Variants in OSBPL8 observed in about 807,000 individuals in gnomAD.
OSBPL8 encodes oxysterol binding protein like 8.
OSBPL8 carries 59 observed loss-of-function variants against 125.5 expected under a neutral mutation model. That is an observed-to-expected ratio of 0.47 (90% confidence interval 0.38 to 0.58). The LOEUF is 0.58. Ranked by LOEUF, OSBPL8 falls within the 20% of genes least tolerant of loss-of-function variation. OSBPL8 has a pLI of 0.00. For synonymous variants in OSBPL8, 330 were observed against 338.9 expected (o/e 0.97, Z 0.29); for missense variants, 758 against 1,047.8 (o/e 0.72, Z 3.82).
At chr12:76,377,149 C>T (rs1952852082) in intron 16 of OSBPL8, among the ~76,000 whole-genome samples, 1 of 152,132 alleles carries the variant, frequency 6.6e-6, no homozygotes, top group Non-Finnish European at 1.5e-5. Context: ...TGTGTATGTG[C>T]CACATTTTCT....
chr12:76,544,078 C>A (rs1950716971), intron 1 of OSBPL8, among the ~76,000 whole-genome samples: 2 of 152,142 alleles, frequency 1.3e-5, no homozygotes, highest in Non-Finnish European at 2.9e-5. Flanking sequence ...TTTAATACAG[C>A]AGAATTAACA....
intron 2 of OSBPL8, among the ~76,000 whole-genome samples, chr12:76,465,286 T>G (rs1050518250): frequency 6.6e-6 from 1 of 152,164 alleles, no homozygotes; most frequent in Non-Finnish European, 1.5e-5. Context: ...TCTGGCCAGG[T>G]GCAGTGGCTC....
At chr12:76,419,229 C>T (rs1175515325) in intron 4 of OSBPL8, among the ~76,000 whole-genome samples, 1 of 151,982 alleles carries the variant, frequency 6.6e-6, no homozygotes, top group Non-Finnish European at 1.5e-5. Context: ...GAGCGAGACT[C>T]CATCTCAAAA....
At chr12:76,440,431 T>C (rs887149432) in intron 4 of OSBPL8, among the ~76,000 whole-genome samples, 6 of 152,216 alleles carry the variant, frequency 3.9e-5, no homozygotes. Context: ...TGAGCTCATA[T>C]ACACTTCTTT....
intron 1 of OSBPL8, among the ~76,000 whole-genome samples, chr12:76,517,339 CTTT>C (rs1020874063): frequency 2.0e-5 from 3 of 152,080 alleles, no homozygotes; most frequent in Non-Finnish European, 2.9e-5. Context: ...TCCTGAAAAA[CTTT>C]TTATTACCTA....
intron 1 of OSBPL8, among the ~76,000 whole-genome samples, chr12:76,495,116 T>C (rs1879142872): frequency 6.6e-6 from 1 of 152,206 alleles, no homozygotes; most frequent in Non-Finnish European, 1.5e-5. Flanking sequence ...GCAGAGCAGA[T>C]AACGAGAACG....
In OSBPL8 at chr12:76,384,242, G is replaced by C. The variant is rs767168925; in HGVS notation, c.1630+12C>G. On this transcript the variant is annotated intron_variant, in intron 15 of 23. Transcript: ENST00000261183. ...CCCAGGAGAGGGTGCAAGTTGGGACGGGAAAACTCACCATAAAACTTAGAC... is the reference window on the plus strand; with the variant it reads ...CCCAGGAGAGGGTGCAAGTTGGGACCGGAAAACTCACCATAAAACTTAGAC... 6.9e-7 allele frequency: 1 copy of C among 1,447,554 alleles called. No individual in the cohort carries two copies. The highest frequency in any genetic ancestry group is 9.4e-7 in the Non-Finnish European group (1 of 1,062,244). 89.7% of individuals were successfully genotyped at this position (1,447,554 alleles called of 1,614,324 possible).
chr12:76,539,116 C>T (rs1592880747), intron 1 of OSBPL8, among the ~76,000 whole-genome samples: 1 of 149,206 alleles, frequency 6.7e-6, no homozygotes, highest in African/African-American at 2.5e-5. Context: ...TATTTTGAAC[C>T]ACCTACCTTA....
intron 12 of OSBPL8, among the ~76,000 whole-genome samples, chr12:76,387,000 T>C (rs1019764659): frequency 6.6e-6 from 1 of 152,150 alleles, no homozygotes; most frequent in African/African-American, 2.4e-5. Context: ...TTGAAAAAAA[T>C]AAACATGGAT....
chr12:76,398,879 C>G (rs555781223), intron 7 of OSBPL8, among the ~76,000 whole-genome samples: 1 of 152,008 alleles, frequency 6.6e-6, no homozygotes, highest in African/African-American at 2.4e-5. Flanking sequence ...GAGATAGGTA[C>G]CCTGAAATAA....
In OSBPL8 at chr12:76,386,654, A is replaced by G; in HGVS notation, c.1359T>C (p.Ala453=). The change falls in exon 13 of 24, where the codon GCT becomes GCC. Residue 453 remains alanine (A), a synonymous_variant. Transcript: ENST00000261183. ...YYHADFLSEA[A]LEENPYFRLK... is the part of the protein sequence containing the mutation. The stretch of plus-strand genomic sequence containing the variant: ...AACGGAAATAAGGATTTTCTTCAAG[A>G]GCTGCCCTAAAACACAAAACGGTAA... 6.2e-7 allele frequency: 1 copy of G among 1,602,844 alleles called. No homozygotes were observed. The highest frequency in any genetic ancestry group is 8.5e-7 in the Non-Finnish European group (1 of 1,174,120).
chr12:76,366,708 G>T, intron 21 of OSBPL8: 1 of 247,862 alleles, frequency 4.0e-6, no homozygotes, highest in South Asian at 4.5e-5. Flanking sequence ...CATCTCGTAA[G>T]TTTTGTTATA....
intron 1 of OSBPL8, among the ~76,000 whole-genome samples, chr12:76,519,426 A>C (rs190791824): frequency 1.3e-5 from 2 of 152,282 alleles, no homozygotes; most frequent in East Asian, 3.9e-4. Flanking sequence ...AAGAAATTCC[A>C]AACTTTCCCC....
intron 1 of OSBPL8, among the ~76,000 whole-genome samples, chr12:76,506,160 G>A (rs905658100): frequency 2.0e-5 from 3 of 152,224 alleles, no homozygotes; most frequent in African/African-American, 7.2e-5. Flanking sequence ...AACTTAAGCA[G>A]AGTTTGTGCC....
chr12:76,530,055 TTTTTC>T (rs961547723), intron 1 of OSBPL8, among the ~76,000 whole-genome samples: 4 of 152,026 alleles, frequency 2.6e-5, no homozygotes, highest in African/African-American at 9.7e-5. Flanking sequence ...TTCCACATTT[TTTTTC>T]TTTTCTTTTT....
chr12:76,437,342 G>A (rs1331090134), intron 4 of OSBPL8, among the ~76,000 whole-genome samples: 1 of 152,070 alleles, frequency 6.6e-6, no homozygotes, highest in Non-Finnish European at 1.5e-5. Context: ...TGGTGGGTGG[G>A]TATGAAATAG....
intron 1 of OSBPL8, among the ~76,000 whole-genome samples, chr12:76,519,318 C>T (rs369689930): frequency 1.3e-5 from 2 of 152,150 alleles, no homozygotes; most frequent in East Asian, 3.9e-4. Context: ...ACTCCAGTCC[C>T]CAACAAGTTC....
intron 1 of OSBPL8, among the ~76,000 whole-genome samples, chr12:76,556,404 C>T (rs1951100727): frequency 6.6e-6 from 1 of 152,134 alleles, no homozygotes; most frequent in Admixed American, 6.5e-5. Flanking sequence ...TTCTATCACG[C>T]CTTCCACATG....
chr12:76,530,259 T>C (rs1950300599), intron 1 of OSBPL8, among the ~76,000 whole-genome samples: 1 of 148,044 alleles, frequency 6.8e-6, no homozygotes, highest in African/African-American at 2.5e-5. Flanking sequence ...AGTCTCACTA[T>C]GTTGCCAAGG....
Sources: gnomAD v4.1 joint callset for allele counts (sites outside exome capture counted in the v4.1 genomes callset) on GRCh38, gnomAD v4.1.1 for gene constraint, MANE v1.5 for transcripts, NCBI Gene and HGNC (gene_info 2026-07-23, HGNC 2026-07-21) for gene names.